The following ATP8A2 variants were observed in gnomAD, a reference collection of about 807,000 sequenced individuals.
The protein encoded by ATP8A2 is phospholipid-transporting ATPase IB.
ATP8A2 carries 100 observed loss-of-function variants against 165.6 expected under a neutral mutation model. The ratio of observed to expected loss-of-function variants is 0.60; its 90% CI spans 0.51 to 0.71. The LOEUF (loss-of-function observed/expected upper bound fraction) is 0.71, where lower values mean the gene tolerates loss of function less well. ATP8A2 is among the 30% of genes least tolerant of loss of function. The pLI, the probability that ATP8A2 is intolerant of heterozygous loss-of-function variation, is 0.00. For synonymous variants in ATP8A2, 543 were observed against 548.8 expected, an observed-to-expected ratio of 0.99 and a Z score of 0.15; for missense variants, 1,227 against 1,479.5, an observed-to-expected ratio of 0.83 and a Z score of 2.80.
rs533783859 is a variant in ATP8A2 at position 25,720,615 on chromosome 13, A to G, written c.2384+21270A>G. On this transcript the variant is annotated intron_variant, in intron 25 of 36. Transcript: ENST00000381655. ...TCTCACACGTGGCCTCTTCCCTTAC[A>G]CAGGAAGGCAACTCTGGGACGTTTG... is the stretch of plus-strand genomic sequence containing the variant. Among the ~76,000 whole-genome samples, 3 of 152,140 alleles carry G rather than the reference A, an allele frequency of 2.0e-5. No homozygotes were observed. In the South Asian group the frequency reaches 6.2e-4, roughly 32 times the overall value.
chr13:25,494,304 G>A (rs780587175), intron 2 of ATP8A2, among the ~76,000 whole-genome samples: 3 of 152,184 alleles, frequency 2.0e-5, no homozygotes, highest in Non-Finnish European at 4.4e-5. Context: ...TGGGTCTGCT[G>A]CATTTAATTG....
intron 2 of ATP8A2, among the ~76,000 whole-genome samples, chr13:25,495,686 C>G (rs911194402): frequency 5.0e-5 from 7 of 140,538 alleles, no homozygotes; most frequent in African/African-American, 1.9e-4. Flanking sequence ...AGTCTGGTCT[C>G]GAACTCCTGA....
Position 25,474,672 on chromosome 13 carries a change from AT to A in ATP8A2, c.221+5561del, listed in dbSNP as rs200899499. ...TTATAATATTAATGCTGAGATCCTA[AT>A]TTTTTTTTTAACCTTGTTTTTTGGT... On this transcript the variant is annotated intron_variant, in intron 2 of 36. Coordinates refer to ENST00000381655, the MANE Select transcript of ATP8A2 (RefSeq NM_016529.6). Among the ~76,000 whole-genome samples the A allele has an allele frequency of 5.8e-3, 867 of 149,372 alleles. 6 individuals carry two copies. Among genetic ancestry groups the A allele is most frequent in the African/African-American group, 0.019 (794 of 40,928 alleles).
intron 24 of ATP8A2, chr13:25,649,116 G>C (rs1220561032): frequency 1.1e-5 from 5 of 456,246 alleles, no homozygotes; most frequent in South Asian, 4.7e-5. Context: ...GTGTACTTGA[G>C]ATAACAACCT....
chr13:25,514,904 A>G (rs951452612), intron 2 of ATP8A2, among the ~76,000 whole-genome samples: 1 of 152,126 alleles, frequency 6.6e-6, no homozygotes, highest in Non-Finnish European at 1.5e-5. Context: ...TGATTGTGAT[A>G]GTAAAGTTAA....
At chr13:25,688,524 AT>A (rs1255692187) in intron 24 of ATP8A2, among the ~76,000 whole-genome samples, 2 of 152,234 alleles carry the variant, frequency 1.3e-5, no homozygotes, top group Non-Finnish European at 2.9e-5. Flanking sequence ...AAGTTTATGT[AT>A]AATAGAGTGC....
intron 33 of ATP8A2, among the ~76,000 whole-genome samples, chr13:25,908,589 A>C (rs1279780293): frequency 1.3e-5 from 2 of 152,218 alleles, no homozygotes; most frequent in African/African-American, 4.8e-5. Flanking sequence ...CAAATTCCAG[A>C]CGCCCCATGG....
intron 24 of ATP8A2, among the ~76,000 whole-genome samples, chr13:25,618,723 G>A (rs1021888132): frequency 6.8e-6 from 1 of 147,336 alleles, no homozygotes; most frequent in Non-Finnish European, 1.5e-5. Flanking sequence ...TCTATGTAGG[G>A]TAGGGAGATT....
At position 25,684,122 on chromosome 13, in the gene ATP8A2, C is replaced by T. The variant is rs189467875; in HGVS notation, c.2212-15051C>T. 1.4e-4 allele frequency among the ~76,000 whole-genome samples: 22 copies of T among 152,290 alleles called. No individual in the cohort carries two copies. The East Asian group carries it at 4.2e-3, about 29-fold the overall frequency. ...ATAAAAAGGCTTCCGCCCAGGATAA[C>T]ATTATTAACCAGCCAGTTAGCCCTT... On this transcript the variant is annotated intron_variant, in intron 24 of 36. Transcript: ENST00000381655.
chr13:25,749,503 G>T (rs1371040885), intron 25 of ATP8A2, among the ~76,000 whole-genome samples: 4 of 152,134 alleles, frequency 2.6e-5, no homozygotes, highest in Non-Finnish European at 4.4e-5. Flanking sequence ...TGTGGGTGAG[G>T]AGGGGGTGTA....
chr13:25,516,198 T>C (rs2037463408), intron 2 of ATP8A2, among the ~76,000 whole-genome samples: 1 of 152,190 alleles, frequency 6.6e-6, no homozygotes, highest in African/African-American at 2.4e-5. Flanking sequence ...ATCCAGATCT[T>C]ATTTGATGTT....
At chr13:25,590,912 C>T (rs1243486482) in intron 24 of ATP8A2, among the ~76,000 whole-genome samples, 1 of 152,024 alleles carries the variant, frequency 6.6e-6, no homozygotes, top group Non-Finnish European at 1.5e-5. Flanking sequence ...GGCAAGAGAC[C>T]ACCCTCTGGC....
At chr13:25,830,445 C>T (rs1047994951) in intron 28 of ATP8A2, among the ~76,000 whole-genome samples, 5 of 152,026 alleles carry the variant, frequency 3.3e-5, no homozygotes, top group Non-Finnish European at 7.4e-5. Context: ...CCACTGAGTC[C>T]ACAGTGCAGG....
At chr13:25,714,601 G>A (rs1052739359) in intron 25 of ATP8A2, among the ~76,000 whole-genome samples, 8 of 152,162 alleles carry the variant, frequency 5.3e-5, no homozygotes, top group Non-Finnish European at 1.0e-4. Context: ...CACGAGACAC[G>A]TAATGAACAC....
rs571297219 is a variant in ATP8A2 at position 25,969,087 on chromosome 13, A to G, written c.3377+408A>G. Among the ~76,000 whole-genome samples, 255 of 152,338 alleles carry G rather than the reference A, an allele frequency of 1.7e-3. 2 individuals carry two copies. The highest frequency in any genetic ancestry group is 5.8e-3 in the African/African-American group (243 of 41,582). ...TGAAGGTTTGCATGTGAAATAATGCATGTTGTTATTCATGTAAACCTGTTA... is the reference window on the plus strand; with the variant it reads ...TGAAGGTTTGCATGTGAAATAATGCGTGTTGTTATTCATGTAAACCTGTTA... On this transcript the variant is annotated intron_variant, in intron 35 of 36. Transcript: ENST00000381655.
chr13:25,785,770 GA>G (rs2045008652), intron 27 of ATP8A2, among the ~76,000 whole-genome samples: 1 of 152,182 alleles, frequency 6.6e-6, no homozygotes, highest in African/African-American at 2.4e-5. Context: ...ATCAAGAATG[GA>G]GACTTCATGT....
rs114214550 is a variant in ATP8A2, at chr13:25,596,801, G to C, written c.2211+7102G>C. Among the ~76,000 whole-genome samples the C allele has an allele frequency of 2.1e-3, 318 of 152,214 alleles. 1 individual carries two copies. Among genetic ancestry groups the C allele is most frequent in the African/African-American group, 7.2e-3 (300 of 41,530 alleles). ...TAAATAGCTAGGAGTAAAATTCTTA[G>C]ATTAGAGGGAAGATATATGTTTAGC... is the stretch of plus-strand genomic sequence containing the variant. On this transcript the variant is annotated intron_variant, in intron 24 of 36. Coordinates refer to ENST00000381655, the MANE Select transcript of ATP8A2 (RefSeq NM_016529.6).
intron 25 of ATP8A2, among the ~76,000 whole-genome samples, chr13:25,768,179 C>A (rs972559826): frequency 6.6e-6 from 1 of 152,064 alleles, no homozygotes; most frequent in Non-Finnish European, 1.5e-5. Flanking sequence ...AATGTAGAGT[C>A]ACTCAGTCCT....
chr13:25,661,764 A>G (rs1442190512), intron 24 of ATP8A2, among the ~76,000 whole-genome samples: 1 of 152,180 alleles, frequency 6.6e-6, no homozygotes, highest in Non-Finnish European at 1.5e-5. Flanking sequence ...CTGATTCAGC[A>G]CATTCTTGGA....
Sources: allele counts gnomAD v4.1 joint callset (sites outside exome capture counted in the v4.1 genomes callset), GRCh38; gene constraint gnomAD v4.1.1; transcripts MANE v1.5; gene names NCBI Gene and HGNC (gene_info 2026-07-23, HGNC 2026-07-21).